The following ESRRG variants were observed in gnomAD, a reference collection of about 807,000 sequenced individuals.
ESRRG encodes estrogen-related receptor gamma.
In ESRRG, 13 loss-of-function variants were observed where a neutral mutation model predicts 44.0. The ratio of observed to expected loss-of-function variants is 0.30; its 90% CI spans 0.19 to 0.47. The LOEUF is 0.47. Ranked by LOEUF, ESRRG falls within the 20% of genes least tolerant of loss-of-function variation. The pLI is 1.00. For missense variants in ESRRG, 395 were observed against 580.6 expected (o/e 0.68, Z 3.29); for synonymous variants, 215 against 214.6 (o/e 1.00, Z -0.02).
At chr1:216,912,234 A>AGG (rs2060536357) in intron 2 of ESRRG, among the ~76,000 whole-genome samples, 2 of 53,356 alleles carry the variant, frequency 3.7e-5, no homozygotes, top group Non-Finnish European at 8.5e-5. Context: ...AGGAGAGGAG[A>AGG]GGAGAGGAGA....
intron 1 of ESRRG, among the ~76,000 whole-genome samples, chr1:216,985,552 C>T (rs1171151212): frequency 6.6e-6 from 1 of 152,144 alleles, no homozygotes; most frequent in African/African-American, 2.4e-5. Context: ...TTTTTATTTT[C>T]AGTTAGGAAG....
intron 2 of ESRRG, among the ~76,000 whole-genome samples, chr1:216,904,436 T>C (rs749151094): frequency 3.3e-5 from 5 of 152,172 alleles, no homozygotes; most frequent in Non-Finnish European, 7.3e-5. Flanking sequence ...AGTGTGAGAT[T>C]GCTAAAATTA....
intron 4 of ESRRG, 169 bp from the exon 5 acceptor site, chr1:216,564,549 A>C: frequency 4.5e-6 from 2 of 441,508 alleles, no homozygotes; most frequent in Non-Finnish European, 7.9e-6. Context: ...AGGAAAACTC[A>C]TAGCAAGACA....
intron 2 of ESRRG, among the ~76,000 whole-genome samples, chr1:216,773,027 A>G (rs947048247): frequency 1.3e-5 from 2 of 152,080 alleles, no homozygotes; most frequent in East Asian, 1.9e-4. Context: ...AACGCTCAAC[A>G]TGGCTTCTAA....
intron 2 of ESRRG, among the ~76,000 whole-genome samples, chr1:216,775,069 C>T (rs771600813): frequency 6.6e-6 from 1 of 151,806 alleles, no homozygotes; most frequent in Non-Finnish European, 1.5e-5. Context: ...TCGGCCACCC[C>T]AAGTGCTAGG....
intron 2 of ESRRG, among the ~76,000 whole-genome samples, chr1:216,937,060 A>G (rs2149896399): frequency 6.6e-6 from 1 of 152,182 alleles, no homozygotes; most frequent in East Asian, 1.9e-4. Context: ...ATTGGTACTT[A>G]TCTTTGCCCC....
chr1:216,964,795 C>T (rs2069899405), intron 1 of ESRRG, among the ~76,000 whole-genome samples: 2 of 151,558 alleles, frequency 1.3e-5, no homozygotes, highest in African/African-American at 4.9e-5. Context: ...GTATGATCCA[C>T]AGAGGTGGTG....
chr1:216,956,379 A>T (rs993036273), intron 1 of ESRRG, among the ~76,000 whole-genome samples: 1 of 152,080 alleles, frequency 6.6e-6, no homozygotes, highest in African/African-American at 2.4e-5. Flanking sequence ...ACCTCAATGA[A>T]TGTTATTGGC....
At chr1:216,508,246 T>C (rs1399484600) in intron 6 of ESRRG, among the ~76,000 whole-genome samples, 1 of 152,186 alleles carries the variant, frequency 6.6e-6, no homozygotes, top group African/African-American at 2.4e-5. Context: ...AAATGAAATA[T>C]GGCAAACTAA....
At chr1:216,820,119 T>G (rs917643074) in intron 2 of ESRRG, among the ~76,000 whole-genome samples, 1 of 152,288 alleles carries the variant, frequency 6.6e-6, no homozygotes, top group South Asian at 2.1e-4. Context: ...AGATTTTAAA[T>G]AAAAAGAAAA....
intron 3 of ESRRG, among the ~76,000 whole-genome samples, chr1:216,610,434 AT>A (rs905372489): frequency 2.6e-5 from 4 of 151,514 alleles, no homozygotes; most frequent in South Asian, 2.1e-4. Context: ...TTAAAGGAAC[AT>A]TTTTTTTTCC....
intron 1 of ESRRG, among the ~76,000 whole-genome samples, chr1:216,708,543 G>A (rs2082900966): frequency 1.3e-5 from 2 of 152,094 alleles, no homozygotes; most frequent in African/African-American, 4.8e-5. Flanking sequence ...ACAATGGTGA[G>A]CATTAAAAAG....
At chr1:216,889,723 G>T (rs2057511728) in intron 2 of ESRRG, among the ~76,000 whole-genome samples, 1 of 151,900 alleles carries the variant, frequency 6.6e-6, no homozygotes, top group Non-Finnish European at 1.5e-5. Flanking sequence ...TTTCTCAGTG[G>T]GTAGGACATC....
rs11318094 is a variant in ESRRG at position 216,883,386 on chromosome 1, GAAAA to G, written c.-14+56192_-14+56195del. Among the ~76,000 whole-genome samples the G allele has an allele frequency of 9.8e-4, 74 of 75,858 alleles. 3 individuals are homozygous for G. Among genetic ancestry groups the G allele is most frequent in the South Asian group, 6.1e-3 (13 of 2,126 alleles). The allele number at this position is 75,858 out of a possible 152,430, so 49.8% of individuals were successfully genotyped here. ...GGGGACAAGAGCGAGACTTCTCTGAGAAAAAAAAAAAAAAAAAAAAAAAAAAAAG... is the reference window on the plus strand; with the variant it reads ...GGGGACAAGAGCGAGACTTCTCTGAGAAAAAAAAAAAAAAAAAAAAAAAAG... On this transcript the variant is annotated intron_variant, in intron 2 of 7. Coordinates refer to the ESRRG transcript ENST00000359162.
intron 1 of ESRRG, among the ~76,000 whole-genome samples, chr1:216,984,009 G>A (rs1579055657): frequency 6.9e-6 from 1 of 145,506 alleles, no homozygotes; most frequent in East Asian, 2.2e-4. Flanking sequence ...TAAATATAGG[G>A]TCATGGTGCT....
chr1:216,669,174 C>T (rs1303917641), intron 2 of ESRRG, among the ~76,000 whole-genome samples: 1 of 151,834 alleles, frequency 6.6e-6, no homozygotes, highest in Non-Finnish European at 1.5e-5. Flanking sequence ...TATGTGATAA[C>T]CTAAGATATT....
chr1:217,061,719 C>A (rs1356103383), intron 1 of ESRRG, among the ~76,000 whole-genome samples: 5 of 152,090 alleles, frequency 3.3e-5, no homozygotes, highest in African/African-American at 1.2e-4. Context: ...TTTTGTCCAG[C>A]CTAAGCACTG....
chr1:217,126,440 A>G (rs2092891426), intron 1 of ESRRG, among the ~76,000 whole-genome samples: 1 of 152,182 alleles, frequency 6.6e-6, no homozygotes, highest in African/African-American at 2.4e-5. Context: ...AAATGCCTGA[A>G]CCAACTGTGC....
chr1:216,932,207 G>A (rs2063456138), intron 2 of ESRRG, among the ~76,000 whole-genome samples: 1 of 151,588 alleles, frequency 6.6e-6, no homozygotes, highest in Admixed American at 6.6e-5. Context: ...CCATCTTTGG[G>A]GGTGAAAAAA....
Sources: gnomAD v4.1 joint callset for allele counts (sites outside exome capture counted in the v4.1 genomes callset) on GRCh38, gnomAD v4.1.1 for gene constraint, MANE v1.5 for transcripts, NCBI Gene and HGNC (gene_info 2026-07-23, HGNC 2026-07-21) for gene names.